The following UNC93A variants were observed in gnomAD, a reference collection of about 807,000 sequenced individuals.
The protein encoded by UNC93A is N-acetylglucosamine transporter UNC93A.
Under a neutral mutation model 47.5 loss-of-function variants are expected in UNC93A, and 43 were observed. The observed-to-expected ratio is 0.91, with a 90% confidence interval of 0.71 to 1.17. UNC93A has a LOEUF of 1.17. Among genes scored for constraint, UNC93A ranks in the 50% most tolerant of loss-of-function variants. The pLI is 0.00. For missense variants in UNC93A, 605 were observed against 577.6 expected, an observed-to-expected ratio of 1.05 and a Z score of -0.49; for synonymous variants, 280 against 258.0, an observed-to-expected ratio of 1.09 and a Z score of -0.82.
chr6:167,307,812 T>C lies in UNC93A; in HGVS notation c.1010T>C (p.Leu337Pro). 6.2e-7 allele frequency: 1 copy of C among 1,614,070 alleles called. No individual in the cohort carries two copies. The highest frequency in any genetic ancestry group is 8.5e-7 in the Non-Finnish European group (1 of 1,179,954). ...ACCCACGTGTCCTGCATGATTGCCC[T>C]ACTGCTGTGGAGACCTCGTGCTGAC... is the stretch of plus-strand genomic sequence containing the variant. ...AVTHVSCMIA[L>P]LLWRPRADHL... The change falls in exon 7 of 8, where the codon CTA (leucine) becomes CCA (proline). Residue 337 changes from leucine to proline, a missense_variant. Physicochemically the swap from Leu to Pro is moderately conservative, Grantham distance 98. Coordinates refer to ENST00000230256, the MANE Select transcript of UNC93A (RefSeq NM_018974.4).
chr6:167,298,982 G>A (rs1462236128), intron 4 of UNC93A, among the ~76,000 whole-genome samples: 1 of 151,644 alleles, frequency 6.6e-6, no homozygotes, highest in Non-Finnish European at 1.5e-5. Flanking sequence ...AGCGAGCATG[G>A]TGGCATATGC....
intron 5 of UNC93A, among the ~76,000 whole-genome samples, chr6:167,304,753 A>G (rs1267167410): frequency 1.3e-5 from 2 of 152,060 alleles, no homozygotes; most frequent in Non-Finnish European, 2.9e-5. Flanking sequence ...TATTTTTAGT[A>G]GAGACAGGGT....
rs141693710 is a variant in UNC93A, at chr6:167,306,043, C to T, written c.969C>T (p.Tyr323=). The T allele has an allele frequency of 2.9e-4, 468 of 1,614,148 alleles. No individual in the cohort carries two copies. Among genetic ancestry groups the T allele is most frequent in the Non-Finnish European group, 3.8e-4 (446 of 1,180,024 alleles). ...VSQYTGRAVL[Y]VLGAVTHVSC... ...AGTACACGGGCAGGGCTGTGCTGTA[C>T]GTGCTGGGTAGGTATCAGCGTGGGT... is the stretch of plus-strand genomic sequence containing the variant. Residue 323 remains tyrosine, a synonymous_variant, in exon 6 of 8, where the codon TAC becomes TAT. Coordinates refer to ENST00000230256, the MANE Select transcript of UNC93A (RefSeq NM_018974.4).
rs1193258964 is a variant in UNC93A, at chr6:167,294,600, C to T, written c.171C>T (p.Leu57=). The T allele has an allele frequency of 6.2e-7, 1 of 1,614,004 alleles. No individual in the cohort carries two copies. The highest frequency in any genetic ancestry group is 8.5e-7 in the Non-Finnish European group (1 of 1,179,950). Residue 57 remains leucine (L), a synonymous_variant, in exon 2 of 8, where the codon CTC becomes CTT. Coordinates refer to ENST00000230256, the MANE Select transcript of UNC93A (RefSeq NM_018974.4). ...YGGMLLSSMF[L]PPLLIERLGC... ...GCATGCTCCTGTCCTCCATGTTCCT[C>T]CCACCGCTCCTCATCGAGAGGCTGG...
At position 167,315,240 on chromosome 6, in the gene UNC93A, C is replaced by T. The variant is rs142367645; in HGVS notation, c.1162C>T (p.Arg388Cys). 2.1e-4 allele frequency: 346 copies of T among 1,613,782 alleles called. No individual in the cohort carries two copies. The highest frequency in any genetic ancestry group is 1.3e-3 in the Middle Eastern group (8 of 5,996). The change falls in exon 8 of 8, where the codon CGC becomes TGC. Residue 388 changes from arginine to cysteine, a missense_variant. Transcript: ENST00000230256. ...CAAGGAAGCTGCCTTCGCCAATTACCGCCTGTGGGAGGCCCTGGGCTTCGT... is the reference window on the plus strand; with the variant it reads ...CAAGGAAGCTGCCTTCGCCAATTACTGCCTGTGGGAGGCCCTGGGCTTCGT... ...KSKEAAFANY[R>C]LWEALGFVIA...
chr6:167,314,158 C>G (rs548989196), intron 7 of UNC93A, among the ~76,000 whole-genome samples: 1 of 152,264 alleles, frequency 6.6e-6, no homozygotes, highest in Non-Finnish European at 1.5e-5. Context: ...TCCCCACACA[C>G]GGCATTGTCT....
chr6:167,271,690 A>C (rs1475525241), intron 1 of UNC93A, among the ~76,000 whole-genome samples: 2 of 152,128 alleles, frequency 1.3e-5, no homozygotes, highest in Non-Finnish European at 2.9e-5. Context: ...GAATGGCAAA[A>C]GACAGGTTGA....
At chr6:167,294,265 C>A (rs1455641080) in intron 1 of UNC93A, among the ~76,000 whole-genome samples, 4 of 152,180 alleles carry the variant, frequency 2.6e-5, no homozygotes, top group Admixed American at 1.3e-4. Flanking sequence ...AGCCATCCAG[C>A]CCCGGCGCAA....
chr6:167,309,570 G>C (rs374760235), intron 7 of UNC93A, among the ~76,000 whole-genome samples: 1,747 of 149,954 alleles, frequency 0.012, 22 homozygotes, highest in African/African-American at 0.035. Flanking sequence ...CTTTATCTGG[G>C]AAACACTCGG....
chr6:167,269,258 A>G (rs1344807886), upstream of UNC93A, among the ~76,000 whole-genome samples: 1 of 152,196 alleles, frequency 6.6e-6, no homozygotes, highest in East Asian at 1.9e-4. Flanking sequence ...TGCTGAGGGA[A>G]CCACGGTGAG....
At chr6:167,273,227 C>T (rs967137962) in intron 1 of UNC93A, among the ~76,000 whole-genome samples, 1 of 152,170 alleles carries the variant, frequency 6.6e-6, no homozygotes, top group Admixed American at 6.5e-5. Flanking sequence ...CTGGGTCAGG[C>T]CCCATCTCAC....
rs2072765 is a variant in UNC93A, at chr6:167,304,171, C to T, written c.840+38C>T. 0.18 allele frequency: 287,072 copies of T among 1,607,224 alleles called. 26,860 individuals carry two copies. Among genetic ancestry groups the T allele is most frequent in the South Asian group, 0.23 (20,878 of 90,690 alleles). ...GTGAGGGCCGGTGGCTCAGGCCATG[C>T]GTGGCATCACTGCCTTGCCTGTGTC... On this transcript the variant is annotated intron_variant, in intron 5 of 7. Transcript: ENST00000230256.
chr6:167,280,677 G>A (rs903761858), intron 1 of UNC93A, among the ~76,000 whole-genome samples: 14 of 152,186 alleles, frequency 9.2e-5, no homozygotes, highest in Admixed American at 2.6e-4. Context: ...GCCAGAGCTC[G>A]CAGGGGACAG....
intron 1 of UNC93A, among the ~76,000 whole-genome samples, chr6:167,283,635 C>T (rs1296331933): frequency 6.6e-6 from 1 of 152,172 alleles, no homozygotes; most frequent in Admixed American, 6.5e-5. Flanking sequence ...TCCCTCACTC[C>T]CCCGCGTTGC....
chr6:167,291,617 C>T (rs1209353505), intron 1 of UNC93A, 41 bp downstream of exon 1: 9 of 1,531,454 alleles, frequency 5.9e-6, no homozygotes, highest in Non-Finnish European at 8.0e-6. Flanking sequence ...ACTTCTTGGC[C>T]TCCAAGAATC....
In UNC93A at chr6:167,294,447, G is replaced by A. The variant is rs927514908; in HGVS notation, c.88-70G>A. On this transcript the variant is annotated intron_variant, in intron 1 of 7. Coordinates refer to ENST00000230256, the MANE Select transcript of UNC93A (RefSeq NM_018974.4). ...GGCGGCCTCCAGCCTGGGGGACACT[G>A]AGGACCTGCTGGTGCCTCATCCCGC... 2.2e-5 allele frequency: 35 copies of A among 1,566,442 alleles called. No homozygotes were observed. The South Asian group carries it at 3.6e-4, about 16-fold the overall frequency.
chr6:167,288,831 G>A (rs915802687), upstream of UNC93A, among the ~76,000 whole-genome samples: 1 of 152,232 alleles, frequency 6.6e-6, no homozygotes, highest in African/African-American at 2.4e-5. Context: ...TAGCAAAACG[G>A]TGCCATCTAG....
chr6:167,273,287 A>G (rs193099409), intron 1 of UNC93A, among the ~76,000 whole-genome samples: 9 of 132,012 alleles, frequency 6.8e-5, no homozygotes, highest in Non-Finnish European at 1.2e-4. Flanking sequence ...AGCAGGACTC[A>G]GGCCCCCAAC....
chr6:167,303,032 T>G (rs529942814), intron 4 of UNC93A, among the ~76,000 whole-genome samples: 4 of 151,982 alleles, frequency 2.6e-5, no homozygotes, highest in African/African-American at 9.7e-5. Flanking sequence ...GCTGTCAGAG[T>G]GAAAATCCGT....
Sources: allele counts gnomAD v4.1 joint callset (sites outside exome capture counted in the v4.1 genomes callset), GRCh38; gene constraint gnomAD v4.1.1; transcripts MANE v1.5; gene names NCBI Gene and HGNC (gene_info 2026-07-23, HGNC 2026-07-21).